WDR1: variants seen among roughly 807,000 people sequenced by gnomAD.
The protein encoded by WDR1 is WD repeat domain 1.
WDR1 carries 21 observed loss-of-function variants against 71.9 expected under a neutral mutation model. The observed-to-expected ratio is 0.29, with a 90% CI of 0.21 to 0.42. The LOEUF is 0.42. Among genes scored for constraint, WDR1 ranks in the 10% least tolerant of loss-of-function variants. The probability of loss-of-function intolerance (pLI) is 1.00; values close to 1 mark genes in which losing one functional copy is unlikely to be tolerated. For missense variants in WDR1, 696 were observed against 824.5 expected (o/e 0.84, Z 1.91); for synonymous variants, 424 against 347.4 (o/e 1.22, Z -2.45).
chr4:10,114,642 T>C (rs560162823), intron 2 of WDR1, among the ~76,000 whole-genome samples: 15 of 152,362 alleles, frequency 9.8e-5, no homozygotes, highest in African/African-American at 2.9e-4. Flanking sequence ...AAATATCTCT[T>C]TAGGGTTGTC....
chr4:10,078,102 G>A (rs1051575344), intron 12 of WDR1, among the ~76,000 whole-genome samples, 176 bp from the exon 13 acceptor site: 4 of 152,190 alleles, frequency 2.6e-5, no homozygotes, highest in African/African-American at 4.8e-5. Context: ...TGAAACCTAC[G>A]CAGCTCTATG....
chr4:10,106,593 T>A (rs897561778), intron 2 of WDR1: 5 of 152,188 alleles, frequency 3.3e-5, no homozygotes, highest in Non-Finnish European at 4.4e-5. Flanking sequence ...GGGGAGGGCA[T>A]CCAGAGATGG....
chr4:10,090,452 G>C (rs1374578520), intron 5 of WDR1, among the ~76,000 whole-genome samples: 1 of 152,212 alleles, frequency 6.6e-6, no homozygotes, highest in Non-Finnish European at 1.5e-5. Flanking sequence ...AATGTCCCCA[G>C]GGCAGGCAGT....
chr4:10,115,981 C>T (rs901239971), intron 2 of WDR1, 132 bp downstream of exon 2: 1 of 1,287,576 alleles, frequency 7.8e-7, no homozygotes, highest in South Asian at 1.5e-5. Context: ...GTGTGGCTCC[C>T]GGTAGAGGGG....
intron 12 of WDR1, 145 bp downstream of exon 12, chr4:10,078,746 G>A (rs1764893285): frequency 4.6e-6 from 3 of 648,982 alleles, no homozygotes; most frequent in Non-Finnish European, 2.6e-6. Context: ...GGGCCCCAGA[G>A]CAGGTCCCAC....
rs549190248 is a variant in WDR1 at position 10,084,553 on chromosome 4, G to A, written c.952-23C>T. ...ACCCTGTGAAGGAGACACACTGGGC[G>A]GGTAAGCTGATGACACACTGCCCTG... On this transcript the variant is annotated intron_variant, in intron 8 of 14. Transcript: ENST00000499869. The A allele has an allele frequency of 2.7e-5, 43 of 1,610,188 alleles. No individual in the cohort carries two copies. In the Admixed American group the frequency reaches 5.2e-4, roughly 19 times the overall value.
chr4:10,084,633 C>A (rs1037214684), intron 8 of WDR1, 103 bp from the exon 9 acceptor site: 3 of 1,072,942 alleles, frequency 2.8e-6, no homozygotes, highest in Non-Finnish European at 4.2e-6. Flanking sequence ...AGGGGGCAGA[C>A]GCCCCTCAAT....
In WDR1 at chr4:10,075,060, G is replaced by A. The variant is rs1194367777; in HGVS notation, c.*318C>T. 4.6e-6 allele frequency: 2 copies of A among 432,456 alleles called. No homozygotes were observed. Among genetic ancestry groups the A allele is most frequent in the Non-Finnish European group, 8.2e-6 (2 of 243,706 alleles). The allele number at this position is 432,456 out of a possible 1,614,324, so 26.8% of individuals were successfully genotyped here. On this transcript the variant is annotated 3_prime_UTR_variant, in exon 15 of 15. Transcript: ENST00000499869. Reference sequence around the variant, plus strand: ...AGTGAGAGCCGCGGCGGGGCCAGGGGCTCTGTGTGCTTTGGAGGCTACTGC... The same window carrying A: ...AGTGAGAGCCGCGGCGGGGCCAGGGACTCTGTGTGCTTTGGAGGCTACTGC...
At chr4:10,104,850 GC>G (rs1712925206) in intron 2 of WDR1, among the ~76,000 whole-genome samples, 1 of 152,130 alleles carries the variant, frequency 6.6e-6, no homozygotes, top group Admixed American at 6.5e-5. Context: ...GCAGCTTCCC[GC>G]CAGCTTGAGG....
At chr4:10,089,416 T>G (rs1711821167) in intron 5 of WDR1, among the ~76,000 whole-genome samples, 1 of 152,188 alleles carries the variant, frequency 6.6e-6, no homozygotes, top group African/African-American at 2.4e-5. Flanking sequence ...AATAATTAAC[T>G]TTTAAACAAA....
At chr4:10,092,990 G>T in intron 5 of WDR1, 1 of 1,174,176 alleles carries the variant, frequency 8.5e-7, no homozygotes, top group Non-Finnish European at 1.1e-6. Context: ...CTGTATCAAC[G>T]AGCCCCCCTC....
intron 13 of WDR1, 65 bp from the exon 14 acceptor site, chr4:10,077,513 C>T: frequency 1.2e-6 from 2 of 1,605,814 alleles, no homozygotes; most frequent in South Asian, 2.2e-5. Context: ...CCCATATCAC[C>T]TCGCTTATCC....
rs1764746338 is a variant in WDR1 at position 10,075,054 on chromosome 4, C to A, written c.*324G>T. ...ACAGATAGTGAGAGCCGCGGCGGGG[C>A]CAGGGGCTCTGTGTGCTTTGGAGGC... is the stretch of plus-strand genomic sequence containing the variant. On this transcript the variant is annotated 3_prime_UTR_variant, in exon 15 of 15. Transcript: ENST00000499869. 7.1e-6 allele frequency: 3 copies of A among 421,108 alleles called. No individual in the cohort carries two copies. Among genetic ancestry groups the A allele is most frequent in the Non-Finnish European group, 1.3e-5 (3 of 236,840 alleles). The allele number at this position is 421,108 out of a possible 1,614,324, so 26.1% of individuals were successfully genotyped here.
chr4:10,107,561 T>C (rs952992771), intron 2 of WDR1, among the ~76,000 whole-genome samples: 21 of 152,092 alleles, frequency 1.4e-4, no homozygotes, highest in Non-Finnish European at 2.6e-4. Flanking sequence ...CCCCAACCCA[T>C]GGCCCCTCAC....
chr4:10,078,805 A>C, intron 12 of WDR1, 86 bp downstream of exon 12: 1 of 1,164,364 alleles, frequency 8.6e-7, no homozygotes, highest in South Asian at 1.5e-5. Flanking sequence ...TCCCTGAGAC[A>C]GCCCCGGTAC....
intron 14 of WDR1, chr4:10,075,709 G>C: frequency 1.7e-6 from 1 of 580,558 alleles, no homozygotes; most frequent in Non-Finnish European, 3.1e-6. Flanking sequence ...TGTGCTGCAG[G>C]GTAATTAGCA....
chr4:10,102,565 A>T lies in WDR1; in HGVS notation c.229+1331T>A, dbSNP rs116030922. Among the ~76,000 whole-genome samples the T allele has an allele frequency of 3.6e-3, 547 of 152,198 alleles. 3 individuals carry two copies. Among genetic ancestry groups the T allele is most frequent in the African/African-American group, 0.013 (521 of 41,504 alleles). ...GACAGATACCGGCCCCTGCTGTGCA[A>T]CGGCCCCTGCTGTCCAACTGCCCAG... On this transcript the variant is annotated intron_variant, in intron 3 of 14. Transcript: ENST00000499869.
chr4:10,113,176 C>T (rs1038216740), intron 2 of WDR1, among the ~76,000 whole-genome samples: 7 of 152,236 alleles, frequency 4.6e-5, no homozygotes, highest in African/African-American at 7.2e-5. Context: ...CTGGCCAACA[C>T]GGCGAAACCC....
At chr4:10,106,163 C>T (rs1243420917) in intron 2 of WDR1, among the ~76,000 whole-genome samples, 1 of 152,130 alleles carries the variant, frequency 6.6e-6, no homozygotes, top group Non-Finnish European at 1.5e-5. Flanking sequence ...TCTGTCATGA[C>T]AGGGGTGGTG....
Sources: allele counts gnomAD v4.1 joint callset (sites outside exome capture counted in the v4.1 genomes callset), GRCh38; gene constraint gnomAD v4.1.1; transcripts MANE v1.5; gene names NCBI Gene and HGNC (gene_info 2026-07-23, HGNC 2026-07-21).